The following WWC1 variants were observed in gnomAD, a reference collection of about 807,000 sequenced individuals.
WWC1 encodes protein KIBRA.
Under a neutral mutation model 138.4 loss-of-function variants are expected in WWC1, and 55 were observed. The ratio of observed to expected loss-of-function variants is 0.40; its 90% CI spans 0.32 to 0.50. The LOEUF (loss-of-function observed/expected upper bound fraction) is 0.50. Ranked by LOEUF, WWC1 falls within the 20% of genes least tolerant of loss-of-function variation. The pLI is 0.72. For synonymous variants in WWC1, 524 were observed against 564.9 expected, an observed-to-expected ratio of 0.93 and a Z score of 1.03; for missense variants, 1,226 against 1,420.4, an observed-to-expected ratio of 0.86 and a Z score of 2.20.
intron 2 of WWC1, among the ~76,000 whole-genome samples, chr5:168,384,041 ATAGT>A (rs1289325371): frequency 6.6e-6 from 1 of 152,130 alleles, no homozygotes; most frequent in Admixed American, 6.6e-5. Context: ...ATTTTGATAG[ATAGT>A]TATTTATTCG....
intron 17 of WWC1, among the ~76,000 whole-genome samples, chr5:168,452,097 G>C (rs71603863): frequency 0.31 from 46,425 of 151,802 alleles, 8,313 homozygotes; most frequent in Middle Eastern, 0.45. Context: ...GTAGAGACAA[G>C]GTTTTACCAC....
At chr5:168,418,147 G>T (rs1780794446) in intron 9 of WWC1, among the ~76,000 whole-genome samples, 2 of 152,098 alleles carry the variant, frequency 1.3e-5, no homozygotes, top group African/African-American at 4.8e-5. Flanking sequence ...CACATTCAAG[G>T]TGCCTTTGAG....
Position 168,414,335 on chromosome 5 carries a change from T to C in WWC1, c.942-13T>C. On this transcript the variant is annotated splice_polypyrimidine_tract_variant and intron_variant, in intron 8 of 22. Transcript: ENST00000265293. Reference sequence around the variant, plus strand: ...TTAGGCACACCAGTCATGCTTGCTTTCTTGGCCCCCAGGATCGCCAACCTG... The same window carrying C: ...TTAGGCACACCAGTCATGCTTGCTTCCTTGGCCCCCAGGATCGCCAACCTG... 1 of 1,612,636 alleles carries C rather than the reference T, an allele frequency of 6.2e-7. No homozygotes were observed. The highest frequency in any genetic ancestry group is 8.5e-7 in the Non-Finnish European group (1 of 1,179,628).
rs141023822 is a variant in WWC1 at position 168,357,414 on chromosome 5, G to A, written c.120-14010G>A. Among the ~76,000 whole-genome samples the A allele has an allele frequency of 6.7e-5, 10 of 150,048 alleles. No homozygotes were observed. The East Asian group carries it at 1.6e-3, about 24-fold the overall frequency. ...CTGCCAACCTGTGGGTTTCTTTTCCGTGTGGTTCACCATCTGGAGTGGCAA... is the reference window on the plus strand; with the variant it reads ...CTGCCAACCTGTGGGTTTCTTTTCCATGTGGTTCACCATCTGGAGTGGCAA... On this transcript the variant is annotated intron_variant, in intron 1 of 22. Coordinates refer to ENST00000265293, the MANE Select transcript of WWC1 (RefSeq NM_015238.3).
At chr5:168,454,191 T>C in intron 18 of WWC1, 91 bp downstream of exon 18, 5 of 1,539,486 alleles carry the variant, frequency 3.2e-6, no homozygotes, top group Non-Finnish European at 4.4e-6. Flanking sequence ...CAGAGCTAAG[T>C]CTTGGCTTCC....
intron 1 of WWC1, among the ~76,000 whole-genome samples, chr5:168,346,439 C>T (rs796239383): frequency 5.3e-5 from 8 of 152,218 alleles, no homozygotes; most frequent in African/African-American, 1.7e-4. Context: ...GACCCTAAGA[C>T]CCTCAAGAGA....
At chr5:168,370,457 C>T (rs1299637428) in intron 1 of WWC1, among the ~76,000 whole-genome samples, 4 of 152,160 alleles carry the variant, frequency 2.6e-5, no homozygotes. Flanking sequence ...CTTTGCCAGT[C>T]TATAGAAAGA....
chr5:168,416,160 A>T (rs78762099), intron 9 of WWC1: 4,073 of 152,258 alleles, frequency 0.027, 71 homozygotes, highest in Middle Eastern at 0.065. Flanking sequence ...CCATGGCTTC[A>T]GAGACCCCCT....
intron 22 of WWC1, 124 bp from the exon 23 acceptor site, chr5:168,468,827 G>A (rs1757517866): frequency 1.0e-6 from 1 of 969,610 alleles, no homozygotes; most frequent in African/African-American, 1.6e-5. Context: ...AGAGGCCAAG[G>A]ACGTTGCTAA....
At chr5:168,355,263 G>A (rs1482650565) in intron 1 of WWC1, among the ~76,000 whole-genome samples, 5 of 149,264 alleles carry the variant, frequency 3.3e-5, no homozygotes, top group Non-Finnish European at 7.4e-5. Flanking sequence ...GGAGGCTGAG[G>A]TGGGCGGATC....
chr5:168,410,962 TCTCG>T (rs1233047772), intron 8 of WWC1, among the ~76,000 whole-genome samples: 1 of 129,014 alleles, frequency 7.8e-6, no homozygotes, highest in African/African-American at 3.1e-5. Flanking sequence ...TGAGACGGAG[TCTCG>T]CTCTGTCACC....
intron 15 of WWC1, among the ~76,000 whole-genome samples, chr5:168,438,066 G>C (rs1754399684): frequency 6.6e-6 from 1 of 152,136 alleles, no homozygotes; most frequent in Admixed American, 6.5e-5. Context: ...CCTCCCAATA[G>C]GCTGGTAGGT....
At chr5:168,401,578 G>A (rs1276038186) in intron 5 of WWC1, among the ~76,000 whole-genome samples, 2 of 152,180 alleles carry the variant, frequency 1.3e-5, no homozygotes, top group Non-Finnish European at 2.9e-5. Flanking sequence ...AGTCCCCACC[G>A]CCTGGGGTGA....
intron 3 of WWC1, among the ~76,000 whole-genome samples, chr5:168,391,371 AAAAAAT>A (rs1778475250): frequency 6.6e-6 from 1 of 152,110 alleles, no homozygotes; most frequent in African/African-American, 2.4e-5. Flanking sequence ...TCTAAAAACT[AAAAAAT>A]GGACCAGGCG....
chr5:168,335,156 C>G (rs1441412321), intron 1 of WWC1, among the ~76,000 whole-genome samples: 3 of 152,218 alleles, frequency 2.0e-5, no homozygotes, highest in African/African-American at 7.2e-5. Context: ...TCTAAGTCCA[C>G]TCATCACCCA....
chr5:168,403,008 TTCTTTCTTTC>T (rs1779435948), intron 5 of WWC1, among the ~76,000 whole-genome samples: 2 of 38,128 alleles, frequency 5.2e-5, no homozygotes, highest in South Asian at 7.7e-4. Context: ...TTGTTTCTTT[TTCTTTCTTTC>T]TTTCTTTCTT....
intron 3 of WWC1, among the ~76,000 whole-genome samples, chr5:168,390,577 C>T (rs937362734): frequency 2.0e-5 from 3 of 152,204 alleles, no homozygotes; most frequent in African/African-American, 7.2e-5. Flanking sequence ...CAAGGTGTGA[C>T]CCAAGCCTCA....
chr5:168,382,034 A>T (rs1777675837), intron 2 of WWC1, among the ~76,000 whole-genome samples: 1 of 152,158 alleles, frequency 6.6e-6, no homozygotes, highest in Non-Finnish European at 1.5e-5. Context: ...ACAAATTCAT[A>T]GACATATGTT....
rs1756753296 is a variant in WWC1, at chr5:168,460,975, TAG to T, written c.2916+235_2916+236del. 7.2e-5 allele frequency among the ~76,000 whole-genome samples: 11 copies of T among 152,312 alleles called. 1 individual carries two copies. The South Asian group carries it at 2.1e-3, about 29-fold the overall frequency. On this transcript the variant is annotated intron_variant, in intron 20 of 22. Transcript: ENST00000265293. ...ATTTGTCTTATTATGACAAATAGGT[TAG>T]ATGAGGAGTGTGTACACTTGGCCTT...
Sources: gnomAD v4.1 joint callset for allele counts (sites outside exome capture counted in the v4.1 genomes callset) on GRCh38, gnomAD v4.1.1 for gene constraint, MANE v1.5 for transcripts, NCBI Gene and HGNC (gene_info 2026-07-23, HGNC 2026-07-21) for gene names.